The following B3GALT1 variants were observed in gnomAD, a reference collection of about 807,000 sequenced individuals.
The protein encoded by B3GALT1 is beta-1,3-galactosyltransferase 1.
B3GALT1 carries 10 observed loss-of-function variants against 23.2 expected under a neutral mutation model. The ratio of observed to expected loss-of-function variants is 0.43; its 90% CI spans 0.27 to 0.73. The LOEUF is 0.73. Ranked by LOEUF, B3GALT1 falls within the 30% of genes least tolerant of loss-of-function variation. The pLI is 0.21. For synonymous variants in B3GALT1, 156 were observed against 141.5 expected, an observed-to-expected ratio of 1.10 and a Z score of -0.73; for missense variants, 299 against 405.4, an observed-to-expected ratio of 0.74 and a Z score of 2.25.
intron 3 of B3GALT1, among the ~76,000 whole-genome samples, chr2:167,670,106 A>G (rs1274260130): frequency 2.0e-5 from 3 of 152,176 alleles, no homozygotes; most frequent in Non-Finnish European, 4.4e-5. Flanking sequence ...TACAGCTGGC[A>G]TCCTGTGTGT....
intron 2 of B3GALT1, among the ~76,000 whole-genome samples, chr2:167,506,537 GGAAA>G (rs1265496735): frequency 6.6e-6 from 1 of 152,236 alleles, no homozygotes; most frequent in African/African-American, 2.4e-5. Flanking sequence ...TGTGGGGTGA[GGAAA>G]GAAAGAAGTA....
intron 1 of B3GALT1, among the ~76,000 whole-genome samples, chr2:167,407,353 G>C (rs558747247): frequency 1.3e-5 from 2 of 152,060 alleles, no homozygotes; most frequent in African/African-American, 4.8e-5. Flanking sequence ...CACTAAGAGC[G>C]AAGTTGATAG....
At chr2:167,708,941 T>G (rs887803294) in intron 3 of B3GALT1, among the ~76,000 whole-genome samples, 51 of 152,342 alleles carry the variant, frequency 3.3e-4, no homozygotes, top group African/African-American at 1.2e-3. Flanking sequence ...TTTAAAATAT[T>G]TTTTCTCCTC....
intron 1 of B3GALT1, among the ~76,000 whole-genome samples, chr2:167,465,903 T>TC (rs1204910515): frequency 5.3e-5 from 8 of 151,846 alleles, no homozygotes; most frequent in African/African-American, 7.3e-5. Flanking sequence ...TTTTTTTTTT[T>TC]CCCCCTCCAT....
At chr2:167,699,222 A>G (rs929162166) in intron 3 of B3GALT1, among the ~76,000 whole-genome samples, 1 of 152,016 alleles carries the variant, frequency 6.6e-6, no homozygotes, top group African/African-American at 2.4e-5. Context: ...TTAAAATAAT[A>G]ATTGATTTTG....
chr2:167,528,123 A>G (rs1195658354), intron 2 of B3GALT1, among the ~76,000 whole-genome samples: 6 of 152,162 alleles, frequency 3.9e-5, no homozygotes, highest in Admixed American at 3.9e-4. Context: ...CTGCACTTAG[A>G]ATAAAAGCCA....
chr2:167,714,040 A>G (rs539674031), intron 3 of B3GALT1: 1 of 1,539,266 alleles, frequency 6.5e-7, no homozygotes, highest in Non-Finnish European at 9.0e-7. Flanking sequence ...GAGATGAATC[A>G]GGCACATTTA....
At chr2:167,375,727 A>G (rs1239292732) in intron 1 of B3GALT1, among the ~76,000 whole-genome samples, 1 of 152,184 alleles carries the variant, frequency 6.6e-6, no homozygotes, top group Non-Finnish European at 1.5e-5. Flanking sequence ...TATCAGTTCT[A>G]ATAGCCTTTT....
chr2:167,617,700 A>C (rs748741402), intron 2 of B3GALT1, among the ~76,000 whole-genome samples: 14 of 152,040 alleles, frequency 9.2e-5, no homozygotes, highest in Non-Finnish European at 2.1e-4. Flanking sequence ...AGAAATTTAG[A>C]ACCATAAGGA....
intron 2 of B3GALT1, among the ~76,000 whole-genome samples, chr2:167,525,963 C>T (rs961724515): frequency 5.9e-5 from 9 of 152,068 alleles, no homozygotes; most frequent in African/African-American, 1.9e-4. Flanking sequence ...TGATCACAGT[C>T]CCCAACATTT....
chr2:167,849,651 G>A (rs1174122988), intron 4 of B3GALT1, among the ~76,000 whole-genome samples: 2 of 152,152 alleles, frequency 1.3e-5, no homozygotes, highest in African/African-American at 2.4e-5. Context: ...ACTTTGGGAG[G>A]CCGAGGCGGG....
chr2:167,805,090 T>C (rs1280256856), intron 3 of B3GALT1, among the ~76,000 whole-genome samples: 1 of 152,236 alleles, frequency 6.6e-6, no homozygotes, highest in African/African-American at 2.4e-5. Context: ...ATGATGAGCA[T>C]TTTTTCATGT....
rs113743956 is a variant in B3GALT1, at chr2:167,673,268, T to C, written c.-352+26302T>C. On this transcript the variant is annotated intron_variant, in intron 3 of 4. Coordinates refer to ENST00000392690, the MANE Select transcript of B3GALT1 (RefSeq NM_020981.4). Reference sequence around the variant, plus strand: ...AAAAAGCAGGTTTCTGATCACCTTGTTGTGAGTCATAAACGATAAACCAAA... The same window carrying C: ...AAAAAGCAGGTTTCTGATCACCTTGCTGTGAGTCATAAACGATAAACCAAA... 1.2e-4 allele frequency among the ~76,000 whole-genome samples: 18 copies of C among 152,106 alleles called. 1 individual carries two copies. Among genetic ancestry groups the C allele is most frequent in the South Asian group, 4.1e-4 (2 of 4,826 alleles).
chr2:167,463,257 A>G (rs1263373737), intron 1 of B3GALT1, among the ~76,000 whole-genome samples: 1 of 152,082 alleles, frequency 6.6e-6, no homozygotes, highest in African/African-American at 2.4e-5. Flanking sequence ...TTATTTTACT[A>G]ATATCTCCAT....
At chr2:167,324,509 CTTCTAT>C (rs1696861972) in intron 1 of B3GALT1, among the ~76,000 whole-genome samples, 1 of 151,918 alleles carries the variant, frequency 6.6e-6, no homozygotes, top group Non-Finnish European at 1.5e-5. Flanking sequence ...CTGATGCTGG[CTTCTAT>C]TTGTTATTGT....
chr2:167,595,448 C>T (rs995055493), intron 2 of B3GALT1, among the ~76,000 whole-genome samples: 1 of 152,170 alleles, frequency 6.6e-6, no homozygotes, highest in Non-Finnish European at 1.5e-5. Context: ...AGCCTTCAGA[C>T]TGTTGGATAA....
At chr2:167,716,975 T>C (rs1687154946) in intron 3 of B3GALT1, among the ~76,000 whole-genome samples, 1 of 152,190 alleles carries the variant, frequency 6.6e-6, no homozygotes, top group Admixed American at 6.5e-5. Flanking sequence ...CCCTCTCAAA[T>C]TTGTAGTATA....
intron 3 of B3GALT1, among the ~76,000 whole-genome samples, chr2:167,758,213 T>G (rs1181937566): frequency 6.6e-6 from 1 of 152,112 alleles, no homozygotes; most frequent in Non-Finnish European, 1.5e-5. Context: ...GAGTCTCTTT[T>G]AGAGAGCTCT....
At chr2:167,584,590 A>C (rs1252940887) in intron 2 of B3GALT1, among the ~76,000 whole-genome samples, 1 of 152,168 alleles carries the variant, frequency 6.6e-6, no homozygotes, top group Non-Finnish European at 1.5e-5. Context: ...CTCAGTCCCC[A>C]AGACTGCCCA....
Sources: allele counts gnomAD v4.1 joint callset (sites outside exome capture counted in the v4.1 genomes callset), GRCh38; gene constraint gnomAD v4.1.1; transcripts MANE v1.5; gene names NCBI Gene and HGNC (gene_info 2026-07-23, HGNC 2026-07-21).